Variants in GDAP1 observed in about 807,000 individuals in gnomAD.
GDAP1 encodes ganglioside-induced differentiation-associated protein 1.
Under a neutral mutation model 40.1 loss-of-function variants are expected in GDAP1, and 34 were observed. The observed-to-expected ratio is 0.85, with a 90% CI of 0.64 to 1.13. The LOEUF (loss-of-function observed/expected upper bound fraction) is 1.13. Among genes scored for constraint, GDAP1 ranks in the 50% most tolerant of loss-of-function variants. The probability of loss-of-function intolerance (pLI) is 0.00; values close to 1 mark genes in which losing one functional copy is unlikely to be tolerated. For missense variants in GDAP1, 374 were observed against 433.7 expected (o/e 0.86, Z 1.22); for synonymous variants, 170 against 157.4 (o/e 1.08, Z -0.60).
chr8:74,481,866 T>G (rs1806715545), intron 2 of GDAP1, among the ~76,000 whole-genome samples: 1 of 152,186 alleles, frequency 6.6e-6, no homozygotes, highest in South Asian at 2.1e-4. Context: ...TGGTTGATGA[T>G]GGAAATGGAT....
At chr8:74,458,749 A>G (rs1373265410) in intron 2 of GDAP1, among the ~76,000 whole-genome samples, 1 of 152,098 alleles carries the variant, frequency 6.6e-6, no homozygotes, top group African/African-American at 2.4e-5. Context: ...TTATTTGGAG[A>G]TAGAGTCTTT....
intron 2 of GDAP1, among the ~76,000 whole-genome samples, chr8:74,402,936 C>T (rs569994722): frequency 6.7e-6 from 1 of 149,682 alleles, no homozygotes; most frequent in Non-Finnish European, 1.5e-5. Context: ...TAAGTAAAGA[C>T]AATTCAAGTT....
chr8:74,393,003 A>G (rs1471165339), intron 2 of GDAP1, among the ~76,000 whole-genome samples: 3 of 152,222 alleles, frequency 2.0e-5, no homozygotes, highest in Non-Finnish European at 2.9e-5. Context: ...CTTTACTAAT[A>G]TAGATTGCAT....
chr8:74,380,504 T>TC lies in GDAP1; in HGVS notation c.165+29183_165+29184insC, dbSNP rs202013732. Among the ~76,000 whole-genome samples, 648 of 93,436 alleles carry TC rather than the reference T, an allele frequency of 6.9e-3. 5 individuals carry two copies. The highest frequency in any genetic ancestry group is 0.023 in the African/African-American group (556 of 24,176). 61.3% of individuals were successfully genotyped at this position (93,436 alleles called of 152,430 possible). ...AGACATAGGTTACCCTACAGAGTCTTTTTTTTTTTTCACCAAAGGGGCATG... is the reference window on the plus strand; with the variant it reads ...AGACATAGGTTACCCTACAGAGTCTTCTTTTTTTTTTCACCAAAGGGGCATG... On this transcript the variant is annotated intron_variant, in intron 2 of 2. Transcript: ENST00000523640.
chr8:74,486,180 G>A (rs1007047279), intron 2 of GDAP1, among the ~76,000 whole-genome samples: 11 of 152,140 alleles, frequency 7.2e-5, no homozygotes, highest in African/African-American at 2.4e-4. Context: ...AAAATGTTTG[G>A]TATCAGATGA....
intron 2 of GDAP1, among the ~76,000 whole-genome samples, chr8:74,387,905 CT>C (rs1810049353): frequency 6.6e-6 from 1 of 151,204 alleles, no homozygotes; most frequent in South Asian, 2.1e-4. Flanking sequence ...CTTGTGTAGT[CT>C]TGGGAGGGTG....
chr8:74,474,084 G>A (rs1806595741), intron 2 of GDAP1, among the ~76,000 whole-genome samples: 2 of 152,062 alleles, frequency 1.3e-5, no homozygotes, highest in Admixed American at 6.5e-5. Context: ...TTGCATTCCC[G>A]ATTTGGCTTT....
At chr8:74,374,447 C>T (rs548604044) in intron 2 of GDAP1, among the ~76,000 whole-genome samples, 1 of 151,532 alleles carries the variant, frequency 6.6e-6, no homozygotes, top group Non-Finnish European at 1.5e-5. Context: ...TAAAGAGCTA[C>T]AGAAAGAGGA....
Position 74,364,583 on chromosome 8 carries a change from A to C in GDAP1, c.*216A>C, listed in dbSNP as rs1382596257. ...CAGCTCCAGGCAGAAATAGGAAGGC[A>C]AAGAGATAAGAGAAGGAAAAATGAG... On this transcript the variant is annotated 3_prime_UTR_variant, in exon 6 of 6. Coordinates refer to ENST00000220822, the MANE Select transcript of GDAP1 (RefSeq NM_018972.4). 3.0e-6 allele frequency: 2 copies of C among 676,524 alleles called. No homozygotes were observed. The highest frequency in any genetic ancestry group is 2.0e-5 in the Admixed American group (1 of 49,166). 41.9% of individuals were successfully genotyped at this position (676,524 alleles called of 1,614,324 possible). A position where few individuals can be genotyped will look rare whatever the true frequency, so the allele number is the denominator to read the frequency against.
chr8:74,400,355 T>G (rs192206480), intron 2 of GDAP1, among the ~76,000 whole-genome samples: 1 of 149,760 alleles, frequency 6.7e-6, no homozygotes, highest in Non-Finnish European at 1.5e-5. Context: ...CTGTTTTATC[T>G]GAGACTAGGA....
At chr8:74,417,411 G>T (rs1399166857) in intron 2 of GDAP1, among the ~76,000 whole-genome samples, 4 of 149,880 alleles carry the variant, frequency 2.7e-5, no homozygotes, top group Admixed American at 2.6e-4. Context: ...AGAATTAAAA[G>T]ATATATAGAT....
At chr8:74,420,195 C>T (rs2131558476) in intron 2 of GDAP1, among the ~76,000 whole-genome samples, 1 of 152,152 alleles carries the variant, frequency 6.6e-6, no homozygotes, top group African/African-American at 2.4e-5. Context: ...CAAGAAAAGG[C>T]TATTGGAATT....
intron 2 of GDAP1, among the ~76,000 whole-genome samples, chr8:74,478,331 C>T (rs532228063): frequency 5.3e-4 from 80 of 152,102 alleles, no homozygotes; most frequent in Middle Eastern, 3.4e-3. Context: ...TGGGGGTGGC[C>T]GTGGTTGAGT....
intron 2 of GDAP1, among the ~76,000 whole-genome samples, chr8:74,430,550 G>T (rs1586832849): frequency 6.6e-6 from 1 of 152,108 alleles, no homozygotes; most frequent in Admixed American, 6.5e-5. Flanking sequence ...CTGGAGAAAG[G>T]TAGGGTGCAC....
chr8:74,483,836 G>A (rs1806743314), intron 2 of GDAP1, among the ~76,000 whole-genome samples: 1 of 152,160 alleles, frequency 6.6e-6, no homozygotes, highest in Admixed American at 6.5e-5. Context: ...TTCTTGAAAT[G>A]CAGTGATTTC....
chr8:74,384,915 G>T (rs1480488381), intron 2 of GDAP1, among the ~76,000 whole-genome samples: 1 of 152,088 alleles, frequency 6.6e-6, no homozygotes, highest in East Asian at 1.9e-4. Flanking sequence ...ACACTAAAAA[G>T]TATACTAAGG....
intron 2 of GDAP1, among the ~76,000 whole-genome samples, chr8:74,449,063 A>G (rs750454768): frequency 6.6e-6 from 1 of 151,800 alleles, no homozygotes; most frequent in African/African-American, 2.4e-5. Context: ...AATTTTTTCT[A>G]TGTATTTATC....
rs187810969 is a variant in GDAP1, at chr8:74,396,538, A to G, written c.165+45217A>G. On this transcript the variant is annotated intron_variant, in intron 2 of 2. Coordinates refer to the GDAP1 transcript ENST00000523640. Reference sequence around the variant, plus strand: ...ACCCCACAACAGTCCCCAGAGTGTGATGTTCCCCTTCCTGTGTCCATGTGT... The same window carrying G: ...ACCCCACAACAGTCCCCAGAGTGTGGTGTTCCCCTTCCTGTGTCCATGTGT... Among the ~76,000 whole-genome samples, 243 of 148,382 alleles carry G rather than the reference A, an allele frequency of 1.6e-3. 7 individuals are homozygous for G. Among genetic ancestry groups the G allele is most frequent in the Admixed American group, 0.016 (239 of 14,750 alleles).
intron 2 of GDAP1, among the ~76,000 whole-genome samples, chr8:74,407,436 A>G (rs1391627450): frequency 6.7e-6 from 1 of 149,622 alleles, no homozygotes; most frequent in East Asian, 1.9e-4. Flanking sequence ...GGCTAGAAAA[A>G]ACAGGTGGAA....
Sources: gnomAD v4.1 joint callset for allele counts (sites outside exome capture counted in the v4.1 genomes callset) on GRCh38, gnomAD v4.1.1 for gene constraint, MANE v1.5 for transcripts, NCBI Gene and HGNC (gene_info 2026-07-23, HGNC 2026-07-21) for gene names.